The following PCDH11X variants were observed in gnomAD, a reference collection of about 807,000 sequenced individuals.
The protein encoded by PCDH11X is protocadherin 11 X-linked.
In PCDH11X, 18 loss-of-function variants were observed where a neutral mutation model predicts 53.3. The observed-to-expected ratio is 0.34, with a 90% CI of 0.23 to 0.50. The LOEUF is 0.50. Ranked by LOEUF, PCDH11X falls within the 20% of genes least tolerant of loss-of-function variation. The pLI, the probability that PCDH11X is intolerant of heterozygous loss-of-function variation, is 0.98. For synonymous variants in PCDH11X, 279 were observed against 393.3 expected (o/e 0.71, Z 3.44); for missense variants, 570 against 1,032.4 (o/e 0.55, Z 6.14).
chrX:92,580,366 G>C (rs2148785242), intron 10 of PCDH11X, among the ~76,000 whole-genome samples: 1 of 104,916 alleles, frequency 9.5e-6, no homozygotes, highest in East Asian at 2.8e-4. Flanking sequence ...GATCCATGGA[G>C]ACTGTGGCTG....
At chrX:92,558,004 A>G (rs2075071871) in intron 10 of PCDH11X, among the ~76,000 whole-genome samples, 1 of 110,971 alleles carries the variant, frequency 9.0e-6, no homozygotes, top group African/African-American at 3.3e-5. Flanking sequence ...CCTTTATAAT[A>G]CCATCAGATC....
chrX:92,502,316 T>G (rs2073974796), intron 10 of PCDH11X, among the ~76,000 whole-genome samples: 1 of 108,479 alleles, frequency 9.2e-6, no homozygotes, highest in Non-Finnish European at 1.9e-5. Flanking sequence ...ATAGATTCAA[T>G]GCTATTCCCA....
intron 8 of PCDH11X, 74 bp downstream of exon 8, chrX:92,263,217 T>C: frequency 2.2e-6 from 2 of 893,631 alleles, no homozygotes; most frequent in East Asian, 3.5e-5. Flanking sequence ...CAGTAGTTAG[T>C]CCATGGAGTT....
intron 10 of PCDH11X, among the ~76,000 whole-genome samples, chrX:92,504,921 A>G (rs1261806287): frequency 9.0e-6 from 1 of 110,676 alleles, no homozygotes; most frequent in Middle Eastern, 4.7e-3. Flanking sequence ...GGCCAAGTGT[A>G]TGACTTATTT....
chrX:92,356,811 C>T (rs953285274), intron 8 of PCDH11X, among the ~76,000 whole-genome samples: 1 of 103,908 alleles, frequency 9.6e-6, no homozygotes, highest in Non-Finnish European at 2.0e-5. Flanking sequence ...ATGTCAGTTC[C>T]CATAGTTATT....
chrX:92,034,099 G>C (rs747866014), intron 6 of PCDH11X, among the ~76,000 whole-genome samples: 51 of 110,473 alleles, frequency 4.6e-4, no homozygotes, highest in African/African-American at 1.7e-3. Flanking sequence ...TTATCAAATG[G>C]TGTTTTTAGA....
chrX:92,382,861 A>C (rs193152818), intron 8 of PCDH11X, among the ~76,000 whole-genome samples: 2,357 of 104,560 alleles, frequency 0.023, 103 homozygotes, highest in African/African-American at 0.078. Context: ...CTACAGACAG[A>C]AATTTGTCAT....
chrX:92,101,889 T>C (rs763106993), intron 6 of PCDH11X, among the ~76,000 whole-genome samples: 2,287 of 108,129 alleles, frequency 0.021, 67 homozygotes, highest in African/African-American at 0.072. Context: ...TAGATTTCCA[T>C]GATGGAAAGG....
chrX:92,393,022 T>G (rs1209351820), intron 9 of PCDH11X, among the ~76,000 whole-genome samples: 3 of 110,934 alleles, frequency 2.7e-5, no homozygotes, highest in African/African-American at 9.8e-5. Context: ...TGTTTTTGTT[T>G]GCTGCTATAT....
At chrX:92,013,767 A>G (rs1352797445) in intron 6 of PCDH11X, among the ~76,000 whole-genome samples, 2 of 111,915 alleles carry the variant, frequency 1.8e-5, no homozygotes, top group Non-Finnish European at 3.8e-5. Context: ...AACCTGACAA[A>G]AACAAGAAAT....
At chrX:92,379,734 G>A (rs1409248855) in intron 8 of PCDH11X, among the ~76,000 whole-genome samples, 11 of 109,985 alleles carry the variant, frequency 1.0e-4, no homozygotes, top group Non-Finnish European at 1.7e-4. Context: ...ACTTTCTCCC[G>A]TCTCAAGCCC....
intron 10 of PCDH11X, among the ~76,000 whole-genome samples, chrX:92,514,385 G>T (rs1003165067): frequency 9.5e-6 from 1 of 105,784 alleles, no homozygotes; most frequent in Non-Finnish European, 1.9e-5. Flanking sequence ...ATCGGTTTTG[G>T]TTATAATTAT....
At chrX:92,409,900 T>C (rs1413135267) in intron 9 of PCDH11X, among the ~76,000 whole-genome samples, 3 of 112,225 alleles carry the variant, frequency 2.7e-5, no homozygotes, top group African/African-American at 9.7e-5. Context: ...TTAAGACTTA[T>C]GCTTTGAAGT....
chrX:92,381,529 A>G (rs2070874600), intron 8 of PCDH11X, among the ~76,000 whole-genome samples: 1 of 111,795 alleles, frequency 8.9e-6, no homozygotes, highest in Non-Finnish European at 1.9e-5. Context: ...ACTGATATTT[A>G]TTCACCATCA....
At chrX:92,337,557 G>A (rs2069649054) in intron 8 of PCDH11X, among the ~76,000 whole-genome samples, 1 of 110,749 alleles carries the variant, frequency 9.0e-6, no homozygotes, top group Non-Finnish European at 1.9e-5. Context: ...CTTGAGTAAA[G>A]TTCATAATCA....
intron 10 of PCDH11X, among the ~76,000 whole-genome samples, chrX:92,611,798 A>C (rs1476294494): frequency 9.6e-6 from 1 of 104,176 alleles, no homozygotes; most frequent in African/African-American, 3.6e-5. Context: ...GAGATGCTGG[A>C]TTTTATCAAA....
intron 6 of PCDH11X, among the ~76,000 whole-genome samples, chrX:92,192,643 G>A (rs1008631615): frequency 5.4e-5 from 6 of 111,440 alleles, no homozygotes; most frequent in Admixed American, 1.9e-4. Flanking sequence ...CACTGCACCC[G>A]GCCTCCATTC....
At chrX:92,157,991 G>A (rs1435456605) in intron 6 of PCDH11X, among the ~76,000 whole-genome samples, 1 of 111,060 alleles carries the variant, frequency 9.0e-6, no homozygotes, top group African/African-American at 3.3e-5. Flanking sequence ...GAGGTGGGTG[G>A]ATCACCTGAG....
At chrX:92,257,169 A>G (rs1453159391) in intron 7 of PCDH11X, among the ~76,000 whole-genome samples, 1 of 111,229 alleles carries the variant, frequency 9.0e-6, no homozygotes. Flanking sequence ...GAGCTGCTAC[A>G]GACTTTTATA....
Sources: allele counts gnomAD v4.1 joint callset (sites outside exome capture counted in the v4.1 genomes callset), GRCh38; gene constraint gnomAD v4.1.1; transcripts MANE v1.5; gene names NCBI Gene and HGNC (gene_info 2026-07-23, HGNC 2026-07-21).